Variants in PLXDC2 observed in about 807,000 individuals in gnomAD.
PLXDC2 encodes plexin domain containing 2.
In PLXDC2, 40 loss-of-function variants were observed where a neutral mutation model predicts 68.9. That is an observed-to-expected ratio of 0.58 (90% CI 0.45 to 0.76). PLXDC2 has a LOEUF of 0.76. Ranked by LOEUF, PLXDC2 falls within the 30% of genes least tolerant of loss-of-function variation. PLXDC2 has a pLI of 0.00. For missense variants in PLXDC2, 644 were observed against 661.9 expected, an observed-to-expected ratio of 0.97 and a Z score of 0.30; for synonymous variants, 243 against 234.2, an observed-to-expected ratio of 1.04 and a Z score of -0.34.
chr10:20,221,725 T>A lies in PLXDC2; in HGVS notation c.1312+2623T>A, dbSNP rs529288045. On this transcript the variant is annotated intron_variant, in intron 12 of 13. Transcript: ENST00000377252. The stretch of plus-strand genomic sequence containing the variant: ...TAAGCATATTGAAAACATTTCAGAA[T>A]TGTCCTTTCACTCCAATTTAATAAA... Among the ~76,000 whole-genome samples the A allele has an allele frequency of 5.6e-4, 86 of 152,328 alleles. 4 individuals are homozygous for A. In the South Asian group the frequency reaches 0.018, roughly 32 times the overall value.
rs74371900 is a variant in PLXDC2, at chr10:19,952,345, G to A, written c.113-49430G>A. Among the ~76,000 whole-genome samples, 788 of 152,194 alleles carry A rather than the reference G, an allele frequency of 5.2e-3. 24 individuals are homozygous for A. The East Asian group carries it at 0.096, about 19-fold the overall frequency. On this transcript the variant is annotated intron_variant, in intron 1 of 13. Transcript: ENST00000377252. ...CATTAAGTCAGCCTTTTTGCCAGCT[G>A]ACTGGCTGCTGACTTTCTGAAAAAT...
At position 20,068,238 on chromosome 10, in the gene PLXDC2, G is replaced by C; in HGVS notation, c.540G>C (p.Gly180=). ...HFLREITVAT[G]GFIYTGEVVH... ...TACGTGAAATCACTGTGGCAACCGG[G>C]GGTAAGTGGTTTTCTACCCATTCAC... is the stretch of plus-strand genomic sequence containing the variant. The change falls in exon 4 of 14, where the codon GGG becomes GGC. Residue 180 remains glycine (G), a splice_region_variant and synonymous_variant. Transcript: ENST00000377252. The C allele has an allele frequency of 1.9e-6, 3 of 1,610,582 alleles. No homozygotes were observed. The highest frequency in any genetic ancestry group is 1.3e-5 in the African/African-American group (1 of 74,896).
chr10:19,993,279 G>T (rs1358926490), intron 1 of PLXDC2, among the ~76,000 whole-genome samples: 2 of 151,344 alleles, frequency 1.3e-5, no homozygotes, highest in Non-Finnish European at 2.9e-5. Context: ...CATTAGGCTT[G>T]GCATACTTTA....
At chr10:20,138,521 C>T (rs1589648602) in intron 4 of PLXDC2, among the ~76,000 whole-genome samples, 1 of 152,290 alleles carries the variant, frequency 6.6e-6, no homozygotes, top group Non-Finnish European at 1.5e-5. Flanking sequence ...TGGCTTTAGG[C>T]AAATTGCCCA....
At chr10:20,157,157 C>T (rs759881475) in intron 6 of PLXDC2, among the ~76,000 whole-genome samples, 4 of 152,098 alleles carry the variant, frequency 2.6e-5, no homozygotes, top group Non-Finnish European at 5.9e-5. Flanking sequence ...TTAAGTAAAA[C>T]GAAGGAGAAA....
chr10:19,974,867 G>A (rs1454585836), intron 1 of PLXDC2, among the ~76,000 whole-genome samples: 1 of 152,122 alleles, frequency 6.6e-6, no homozygotes, highest in Non-Finnish European at 1.5e-5. Flanking sequence ...AAACACTCTG[G>A]TCTTGATTCT....
chr10:19,976,132 G>A (rs529865986), intron 1 of PLXDC2, among the ~76,000 whole-genome samples: 1 of 152,298 alleles, frequency 6.6e-6, no homozygotes, highest in Admixed American at 6.5e-5. Context: ...ACACAATTTT[G>A]AAGGCATTGC....
chr10:20,127,952 G>A (rs910556920), intron 4 of PLXDC2, among the ~76,000 whole-genome samples: 8 of 152,198 alleles, frequency 5.3e-5, no homozygotes, highest in Non-Finnish European at 4.4e-5. Context: ...CAGGATGGAA[G>A]CCCTGCTAAT....
At chr10:19,995,596 G>C (rs1409628689) in intron 1 of PLXDC2, among the ~76,000 whole-genome samples, 4 of 152,208 alleles carry the variant, frequency 2.6e-5, no homozygotes, top group Non-Finnish European at 5.9e-5. Context: ...GTTAGGGAAT[G>C]ATGGGAACCG....
intron 1 of PLXDC2, among the ~76,000 whole-genome samples, chr10:19,968,379 C>A (rs560987905): frequency 6.6e-6 from 1 of 152,288 alleles, no homozygotes; most frequent in East Asian, 1.9e-4. Context: ...GTGGCACGAT[C>A]TCCGCTCCCT....
In PLXDC2 at chr10:20,047,596, C is replaced by G. The variant is rs146249327; in HGVS notation, c.471+581C>G. Among the ~76,000 whole-genome samples the G allele has an allele frequency of 2.7e-3, 411 of 152,216 alleles. 4 individuals are homozygous for G. The highest frequency in any genetic ancestry group is 2.4e-3 in the Non-Finnish European group (165 of 68,002). On this transcript the variant is annotated intron_variant, in intron 3 of 13. Transcript: ENST00000377252. ...GTGTCTCCTGAAATAAATAATTTAA[C>G]TATTCTGAGGTGCTTTCTGCATGTG...
intron 1 of PLXDC2, among the ~76,000 whole-genome samples, chr10:19,901,930 T>G (rs1465731579): frequency 6.6e-6 from 1 of 152,094 alleles, no homozygotes; most frequent in Non-Finnish European, 1.5e-5. Flanking sequence ...GTTGAATAGG[T>G]TGTCCTTTCC....
chr10:20,047,325 C>G (rs1295080456), intron 3 of PLXDC2, among the ~76,000 whole-genome samples: 1 of 151,954 alleles, frequency 6.6e-6, no homozygotes, highest in East Asian at 1.9e-4. Flanking sequence ...TTTTAGTTTT[C>G]TTATAATCCA....
intron 1 of PLXDC2, among the ~76,000 whole-genome samples, chr10:19,972,488 G>C (rs908441594): frequency 6.6e-6 from 1 of 152,134 alleles, no homozygotes; most frequent in African/African-American, 2.4e-5. Flanking sequence ...CCTATGTATC[G>C]AGTACTGTGT....
intron 1 of PLXDC2, among the ~76,000 whole-genome samples, chr10:19,921,134 C>T (rs1419678191): frequency 3.4e-5 from 5 of 149,156 alleles, no homozygotes; most frequent in African/African-American, 1.2e-4. Context: ...TTTTTGTCGC[C>T]CAGGGTGGCC....
chr10:19,870,059 G>A (rs968157154), intron 1 of PLXDC2, among the ~76,000 whole-genome samples: 3 of 152,200 alleles, frequency 2.0e-5, no homozygotes, highest in Non-Finnish European at 4.4e-5. Flanking sequence ...GAGGAAAGCA[G>A]GATGATCCCT....
chr10:19,899,510 A>G (rs564291284), intron 1 of PLXDC2, among the ~76,000 whole-genome samples: 9 of 152,336 alleles, frequency 5.9e-5, no homozygotes, highest in Middle Eastern at 3.4e-3. Flanking sequence ...CACGTATTAT[A>G]TGAGAATAAA....
intron 2 of PLXDC2, among the ~76,000 whole-genome samples, chr10:20,017,727 C>T (rs1442340243): frequency 3.3e-5 from 5 of 152,210 alleles, no homozygotes; most frequent in Admixed American, 1.3e-4. Context: ...GGATTTCAAA[C>T]TTTTCAGTTC....
At chr10:19,897,241 T>G (rs1203214007) in intron 1 of PLXDC2, among the ~76,000 whole-genome samples, 2 of 151,704 alleles carry the variant, frequency 1.3e-5, no homozygotes, top group Admixed American at 1.3e-4. Flanking sequence ...TTTTTTTTGT[T>G]TTTTTTTGTT....
Sources: allele counts gnomAD v4.1 joint callset (sites outside exome capture counted in the v4.1 genomes callset), GRCh38; gene constraint gnomAD v4.1.1; transcripts MANE v1.5; gene names NCBI Gene and HGNC (gene_info 2026-07-23, HGNC 2026-07-21).